The following ZNF488 variants were observed in gnomAD, a reference collection of about 807,000 sequenced individuals.
ZNF488 encodes the protein zinc finger protein 488.
A neutral mutation model predicts 1.2 loss-of-function variants in ZNF488; 1 was observed. That is an observed-to-expected ratio of 0.86 (90% CI 0.30 to 4.07). The LOEUF is 4.07. Among genes scored for constraint, ZNF488 ranks in the 30% most tolerant of loss-of-function variants. ZNF488 has a pLI of 0.18. For synonymous variants in ZNF488, 185 were observed against 190.1 expected (o/e 0.97, Z 0.22); for missense variants, 450 against 437.9 (o/e 1.03, Z -0.25).
chr10:47,378,550 T>C (rs1390237140), intron 1 of ZNF488, among the ~76,000 whole-genome samples: 2 of 152,188 alleles, frequency 1.3e-5, no homozygotes, highest in African/African-American at 4.8e-5. Context: ...TGCATAAATA[T>C]AGCCTGGGCC....
At chr10:47,370,389 C>T (rs1837419507) in intron 1 of ZNF488, among the ~76,000 whole-genome samples, 1 of 152,262 alleles carries the variant, frequency 6.6e-6, no homozygotes, top group South Asian at 2.1e-4. Flanking sequence ...CAGTGAGAAC[C>T]CACCCAGCTT....
intron 1 of ZNF488, among the ~76,000 whole-genome samples, chr10:47,374,622 G>T (rs1430342972): frequency 1.3e-5 from 2 of 152,140 alleles, no homozygotes; most frequent in Non-Finnish European, 2.9e-5. Context: ...GACCAAGCTT[G>T]GGAGCTCTCC....
intron 1 of ZNF488, among the ~76,000 whole-genome samples, chr10:47,369,567 GCCTGGTGGCC>G (rs1240955019): frequency 6.6e-6 from 1 of 152,170 alleles, no homozygotes; most frequent in Non-Finnish European, 1.5e-5. Context: ...CTGCCTCCCA[GCCTGGTGGCC>G]CCTTTGTCCA....
Position 47,367,749 on chromosome 10 carries a change from A to G in ZNF488, c.*58T>C. 1 of 1,546,804 alleles carries G rather than the reference A, an allele frequency of 6.5e-7. No homozygotes were observed. Among genetic ancestry groups the G allele is most frequent in the Middle Eastern group, 1.8e-4 (1 of 5,714 alleles). Reference sequence around the variant, plus strand: ...CAGCCCCCTCAACGCAGGCCCAGGGAGCCCCCCTCTGCCAAAGGCTGGCTG... The same window carrying G: ...CAGCCCCCTCAACGCAGGCCCAGGGGGCCCCCCTCTGCCAAAGGCTGGCTG... On this transcript the variant is annotated 3_prime_UTR_variant, in exon 2 of 2. Transcript: ENST00000585316.
intron 1 of ZNF488, among the ~76,000 whole-genome samples, chr10:47,381,057 G>T (rs1259888226): frequency 2.6e-5 from 4 of 152,296 alleles, no homozygotes; most frequent in African/African-American, 9.6e-5. Flanking sequence ...AAACAGCCTG[G>T]GCATTTTTCT....
Position 47,377,635 on chromosome 10 carries a change from CACAT to C in ZNF488, c.-109+6581_-109+6584del, listed in dbSNP as rs1265988158. Reference sequence around the variant, plus strand: ...ACACACACACACACACACACACACACACATGGCTGCCACCCAGAGGAGCCAGCAA... The same window carrying C: ...ACACACACACACACACACACACACACGGCTGCCACCCAGAGGAGCCAGCAA... On this transcript the variant is annotated intron_variant, in intron 1 of 1. Transcript: ENST00000585316. 4.3e-3 allele frequency among the ~76,000 whole-genome samples: 531 copies of C among 123,564 alleles called. 8 individuals carry two copies. Among genetic ancestry groups the C allele is most frequent in the African/African-American group, 0.015 (468 of 30,420 alleles). The allele number at this position is 123,564 out of a possible 152,430, so 81.1% of individuals were successfully genotyped here.
In ZNF488 at chr10:47,366,541, T is replaced by C. The variant is rs1425557224; in HGVS notation, c.*1266A>G. The C allele has an allele frequency of 1.2e-5, 2 of 166,958 alleles. No homozygotes were observed. Among genetic ancestry groups the C allele is most frequent in the Non-Finnish European group, 2.9e-5 (2 of 68,128 alleles). The allele number at this position is 166,958 out of a possible 1,614,324, so 10.3% of individuals were successfully genotyped here. A position where few individuals can be genotyped will look rare whatever the true frequency, so the allele number is the denominator to read the frequency against. On this transcript the variant is annotated 3_prime_UTR_variant, in exon 2 of 2. Coordinates refer to ENST00000585316, the MANE Select transcript of ZNF488 (RefSeq NM_153034.4). ...GAAACTGCATATCAAAAGAACAATA[T>C]CTGACAGTGAGGTGGAAACCAGTGC...
At chr10:47,379,997 T>A (rs79899065) in intron 1 of ZNF488, among the ~76,000 whole-genome samples, 1 of 148,264 alleles carries the variant, frequency 6.7e-6, no homozygotes, top group African/African-American at 2.5e-5. Context: ...GTGGGCACAG[T>A]GGAGCTGTGC....
chr10:47,370,800 C>A (rs560134228), intron 1 of ZNF488, among the ~76,000 whole-genome samples: 1 of 152,126 alleles, frequency 6.6e-6, no homozygotes, highest in Non-Finnish European at 1.5e-5. Flanking sequence ...TTTGGTGTAA[C>A]CTATTCTATG....
intron 1 of ZNF488, among the ~76,000 whole-genome samples, chr10:47,373,170 C>A (rs1471419712): frequency 2.6e-5 from 4 of 152,172 alleles, no homozygotes; most frequent in Admixed American, 6.5e-5. Context: ...GAAATTAGGT[C>A]CATGCATGTG....
rs1555213465 is a variant in ZNF488, at chr10:47,368,790, G to C, written c.40C>G (p.Leu14Val). 1 of 1,605,736 alleles carries C rather than the reference G, an allele frequency of 6.2e-7. No homozygotes were observed. The highest frequency in any genetic ancestry group is 1.7e-5 in the Admixed American group (1 of 59,218). ...WPPCLSVAPA[L>V]VITMAAGKGA... ...TTCCCAGCTGCCATGGTGATCACCA[G>C]GGCCGGGGCCACAGATAAGCAAGGT... The change falls in exon 2 of 2, where the codon CTG becomes GTG. Residue 14 changes from leucine to valine, a missense_variant. By Grantham distance (32) the Leu-to-Val change is conservative (BLOSUM62 1). Transcript: ENST00000585316.
At chr10:47,379,078 A>G (rs1442841528) in intron 1 of ZNF488, among the ~76,000 whole-genome samples, 2 of 152,204 alleles carry the variant, frequency 1.3e-5, no homozygotes, top group Admixed American at 1.3e-4. Context: ...CTCATGTATG[A>G]CTAATTGGAA....
chr10:47,371,162 G>A (rs1837453620), intron 1 of ZNF488, among the ~76,000 whole-genome samples: 1 of 152,212 alleles, frequency 6.6e-6, no homozygotes, highest in Non-Finnish European at 1.5e-5. Context: ...GGGGAACTGA[G>A]CCTAACATAG....
At chr10:47,377,202 C>T (rs1049534285) in intron 1 of ZNF488, among the ~76,000 whole-genome samples, 5 of 152,194 alleles carry the variant, frequency 3.3e-5, no homozygotes, top group South Asian at 2.1e-4. Flanking sequence ...GCGATCTCTA[C>T]GACAAGAGCA....
At chr10:47,372,994 G>A (rs1039802908) in intron 1 of ZNF488, among the ~76,000 whole-genome samples, 1 of 152,178 alleles carries the variant, frequency 6.6e-6, no homozygotes, top group African/African-American at 2.4e-5. Flanking sequence ...GAGGAAGGAA[G>A]GAAGCCACAC....
intron 1 of ZNF488, among the ~76,000 whole-genome samples, chr10:47,382,844 A>T (rs937741368): frequency 6.6e-6 from 1 of 152,238 alleles, no homozygotes; most frequent in Non-Finnish European, 1.5e-5. Flanking sequence ...GTCATAATAA[A>T]CTACAATATC....
At chr10:47,383,973 G>A (rs1957216742) in intron 1 of ZNF488, among the ~76,000 whole-genome samples, 1 of 152,272 alleles carries the variant, frequency 6.6e-6, no homozygotes, top group South Asian at 2.1e-4. Flanking sequence ...ATGAAAACAG[G>A]AAGACAATAA....
chr10:47,375,298 T>C (rs1555214289), intron 1 of ZNF488, among the ~76,000 whole-genome samples: 4 of 152,250 alleles, frequency 2.6e-5, no homozygotes, highest in African/African-American at 9.6e-5. Context: ...CTAGTCATTC[T>C]ACTACACATT....
chr10:47,368,427 T>C lies in ZNF488; in HGVS notation c.403A>G (p.Thr135Ala). 1 of 1,614,122 alleles carries C rather than the reference T, an allele frequency of 6.2e-7. No individual in the cohort carries two copies. Among genetic ancestry groups the C allele is most frequent in the Non-Finnish European group, 8.5e-7 (1 of 1,180,012 alleles). The change falls in exon 2 of 2, where the codon ACC (threonine) becomes GCC (alanine). Residue 135 changes from threonine to alanine, a missense_variant. Coordinates refer to ENST00000585316, the MANE Select transcript of ZNF488 (RefSeq NM_153034.4). ...GCTGGGCCTCTGGGGATGTTCTGGG[T>C]CAGCTGTGGGGCACCAGGTTGGCCT... The part of the protein sequence containing the change: ...PTGQPGAPQL[T>A]QNIPRGPAGS...
Sources: gnomAD v4.1 joint callset for allele counts (sites outside exome capture counted in the v4.1 genomes callset) on GRCh38, gnomAD v4.1.1 for gene constraint, MANE v1.5 for transcripts, NCBI Gene and HGNC (gene_info 2026-07-23, HGNC 2026-07-21) for gene names.